Variants in GPC5 observed in about 807,000 individuals in gnomAD.
The protein encoded by GPC5 is glypican-5.
GPC5 carries 47 observed loss-of-function variants against 53.9 expected under a neutral mutation model. That is an observed-to-expected ratio of 0.87 (90% CI 0.69 to 1.11). The LOEUF is 1.11. Among genes scored for constraint, GPC5 ranks in the 50% most tolerant of loss-of-function variants. GPC5 has a pLI of 0.00. For missense variants in GPC5, 748 were observed against 713.1 expected, an observed-to-expected ratio of 1.05 and a Z score of -0.56; for synonymous variants, 286 against 263.3, an observed-to-expected ratio of 1.09 and a Z score of -0.84.
intron 1 of GPC5, among the ~76,000 whole-genome samples, chr13:91,410,077 C>T (rs16945889): frequency 0.029 from 4,367 of 152,258 alleles, 222 homozygotes; most frequent in African/African-American, 0.099. Flanking sequence ...AGTCTTCACT[C>T]CATCACTTAC....
At chr13:92,178,195 G>T in intron 7 of GPC5, among the ~76,000 whole-genome samples, 1 of 152,234 alleles carries the variant, frequency 6.6e-6, no homozygotes, top group Middle Eastern at 3.4e-3. Context: ...CACAGCAGGC[G>T]CATCAGAACA....
chr13:92,552,417 A>G (rs996403359), intron 7 of GPC5, among the ~76,000 whole-genome samples: 1 of 151,928 alleles, frequency 6.6e-6, no homozygotes, highest in African/African-American at 2.4e-5. Context: ...AAATTTAAGA[A>G]GAGTCAATTT....
chr13:92,091,037 G>A (rs2041376499), intron 6 of GPC5, among the ~76,000 whole-genome samples: 1 of 152,134 alleles, frequency 6.6e-6, no homozygotes, highest in African/African-American at 2.4e-5. Context: ...GACTGAATCT[G>A]CTGGCACCTT....
chr13:92,820,042 T>A (rs1259024809), intron 7 of GPC5, among the ~76,000 whole-genome samples: 2 of 152,112 alleles, frequency 1.3e-5, no homozygotes, highest in African/African-American at 4.8e-5. Flanking sequence ...AACATCTCAC[T>A]AATACCCGAT....
chr13:92,533,305 C>G (rs1237355465), intron 7 of GPC5, among the ~76,000 whole-genome samples: 2 of 152,060 alleles, frequency 1.3e-5, no homozygotes, highest in South Asian at 4.1e-4. Flanking sequence ...CATCTGTTTT[C>G]TTTGAGCTAG....
In GPC5 at chr13:91,728,043, A is replaced by G. The variant is rs371745325; in HGVS notation, c.1021-489A>G. Among the ~76,000 whole-genome samples, 9 of 152,294 alleles carry G rather than the reference A, an allele frequency of 5.9e-5. No homozygotes were observed. The South Asian group carries it at 1.9e-3, about 32-fold the overall frequency. ...AGAACTATTATACAAGGAGATCTTC[A>G]TATTAAAAATATTAATCGTCATTTC... On this transcript the variant is annotated intron_variant, in intron 3 of 7. Transcript: ENST00000377067.
At chr13:91,419,032 A>G (rs571541423) in intron 1 of GPC5, among the ~76,000 whole-genome samples, 1 of 152,184 alleles carries the variant, frequency 6.6e-6, no homozygotes, top group Non-Finnish European at 1.5e-5. Context: ...TGTGTTTTGT[A>G]TAGGTATTCA....
At chr13:92,554,030 C>T (rs1882410677) in intron 7 of GPC5, among the ~76,000 whole-genome samples, 1 of 151,840 alleles carries the variant, frequency 6.6e-6, no homozygotes, top group Non-Finnish European at 1.5e-5. Context: ...ATGTATAATT[C>T]ATATACTTAT....
intron 7 of GPC5, among the ~76,000 whole-genome samples, chr13:92,277,848 TATG>T (rs2042886753): frequency 6.6e-6 from 1 of 151,866 alleles, no homozygotes; most frequent in African/African-American, 2.4e-5. Flanking sequence ...GGCATAGAAA[TATG>T]ATGGGCAGTA....
chr13:91,814,823 A>G (rs58505971), intron 5 of GPC5, among the ~76,000 whole-genome samples: 13,987 of 152,128 alleles, frequency 0.092, 1,207 homozygotes, highest in East Asian at 0.22. Flanking sequence ...TTACAGGCAT[A>G]AGCCACCGCA....
intron 7 of GPC5, among the ~76,000 whole-genome samples, chr13:92,559,069 G>A (rs1198440687): frequency 6.6e-6 from 1 of 151,912 alleles, no homozygotes; most frequent in Non-Finnish European, 1.5e-5. Flanking sequence ...TGCTCAGCCA[G>A]CAAGAGACCA....
chr13:92,352,895 G>C (rs2043491080), intron 7 of GPC5, among the ~76,000 whole-genome samples: 1 of 152,170 alleles, frequency 6.6e-6, no homozygotes, highest in Non-Finnish European at 1.5e-5. Context: ...TGCAAAATAA[G>C]AGTGAAGGAT....
chr13:91,473,220 G>A (rs1362055476), intron 2 of GPC5, among the ~76,000 whole-genome samples: 1 of 152,060 alleles, frequency 6.6e-6, no homozygotes, highest in Non-Finnish European at 1.5e-5. Context: ...TCCCTCCCTT[G>A]ACACGTGGGG....
At chr13:91,424,741 A>G (rs1878912075) in intron 1 of GPC5, among the ~76,000 whole-genome samples, 1 of 152,160 alleles carries the variant, frequency 6.6e-6, no homozygotes, top group South Asian at 2.1e-4. Context: ...TAGCATCCCA[A>G]GGGCTTAGGA....
intron 2 of GPC5, among the ~76,000 whole-genome samples, chr13:91,682,579 C>T (rs1347334642): frequency 6.6e-6 from 1 of 152,162 alleles, no homozygotes; most frequent in Non-Finnish European, 1.5e-5. Flanking sequence ...ACAGAGGCCC[C>T]TCATGGGAAA....
intron 7 of GPC5, among the ~76,000 whole-genome samples, chr13:92,779,460 T>C (rs750525321): frequency 1.3e-4 from 20 of 151,916 alleles, no homozygotes; most frequent in Non-Finnish European, 2.8e-4. Context: ...AAAAAAAAAA[T>C]GTGACTCTAC....
intron 6 of GPC5, among the ~76,000 whole-genome samples, chr13:92,107,303 T>G (rs2138921255): frequency 6.7e-6 from 1 of 148,470 alleles, no homozygotes; most frequent in South Asian, 2.1e-4. Flanking sequence ...AACAGCTGAG[T>G]TTTTTTTTTC....
intron 7 of GPC5, among the ~76,000 whole-genome samples, chr13:92,207,696 C>G (rs2042347405): frequency 6.6e-6 from 1 of 152,180 alleles, no homozygotes. Context: ...GTTTTAATTG[C>G]CTATTCCAAT....
At chr13:91,465,636 T>C (rs973168038) in intron 2 of GPC5, among the ~76,000 whole-genome samples, 3 of 152,214 alleles carry the variant, frequency 2.0e-5, no homozygotes, top group Non-Finnish European at 4.4e-5. Flanking sequence ...GCTAATTCCA[T>C]TTAATTGGTG....
Sources: allele counts gnomAD v4.1 joint callset (sites outside exome capture counted in the v4.1 genomes callset), GRCh38; gene constraint gnomAD v4.1.1; transcripts MANE v1.5; gene names NCBI Gene and HGNC (gene_info 2026-07-23, HGNC 2026-07-21).